ZNF718: variants seen among roughly 807,000 people sequenced by gnomAD.
ZNF718 encodes the protein zinc finger protein 718.
ZNF718 carries 3 observed loss-of-function variants against 2.6 expected under a neutral mutation model. The observed-to-expected ratio is 1.16, with a 90% CI of 0.53 to 3.01. The LOEUF is 3.01. Ranked by LOEUF, ZNF718 falls within the 30% of genes most tolerant of loss-of-function variation. ZNF718 has a pLI of 0.03. For missense variants in ZNF718, 468 were observed against 230.0 expected, an observed-to-expected ratio of 2.03 and a Z score of -6.69; for synonymous variants, 135 against 77.9, an observed-to-expected ratio of 1.73 and a Z score of -3.86.
At chr4:137,732 T>A (rs1289502608) in intron 3 of ZNF718, among the ~76,000 whole-genome samples, 2 of 151,958 alleles carry the variant, frequency 1.3e-5, no homozygotes, top group Non-Finnish European at 2.9e-5. Context: ...TGTTAACTTC[T>A]GTCAAATGTA....
rs557569380 is a variant in ZNF718, at chr4:201,616, G to C, written c.*103-16G>C. The C allele has an allele frequency of 1.4e-4, 22 of 162,148 alleles. No individual in the cohort carries two copies. In the South Asian group the frequency reaches 3.7e-3, roughly 28 times the overall value. The allele number at this position is 162,148 out of a possible 1,614,324, so 10.0% of individuals were successfully genotyped here. On this transcript the variant is annotated splice_polypyrimidine_tract_variant and intron_variant and NMD_transcript_variant, in intron 4 of 4. Coordinates refer to the ZNF718 transcript ENST00000642529. Reference sequence around the variant, plus strand: ...TCAACATTCAGTTCTATACATAACTGTTCTCCTCTCTCTAGAAGCAAGCAG... The same window carrying C: ...TCAACATTCAGTTCTATACATAACTCTTCTCCTCTCTCTAGAAGCAAGCAG...
chr4:170,908 A>G (rs1717210827), intron 3 of ZNF718, among the ~76,000 whole-genome samples: 1 of 152,060 alleles, frequency 6.6e-6, no homozygotes, highest in South Asian at 2.1e-4. Flanking sequence ...GTTCCTTTGG[A>G]GGGCAGAGGC....
intron 3 of ZNF718, among the ~76,000 whole-genome samples, chr4:196,529 A>G (rs781942034): frequency 8.5e-5 from 13 of 152,194 alleles, no homozygotes; most frequent in Non-Finnish European, 1.5e-4. Flanking sequence ...TTGAGGCTAC[A>G]CTTTCAAGAA....
chr4:154,402 T>G (rs2108798082), intron 3 of ZNF718, among the ~76,000 whole-genome samples: 1 of 152,282 alleles, frequency 6.6e-6, no homozygotes, highest in South Asian at 2.1e-4. Context: ...CAGGAAAATG[T>G]GGGAAAGTTT....
rs1716944779 is a variant in ZNF718, at chr4:162,613, A to G, written c.*491A>G. 6.5e-6 allele frequency: 1 copy of G among 152,986 alleles called. No homozygotes were observed. The highest frequency in any genetic ancestry group is 6.5e-5 in the Admixed American group (1 of 15,392). The allele number at this position is 152,986 out of a possible 1,614,324, so 9.5% of individuals were successfully genotyped here. On this transcript the variant is annotated 3_prime_UTR_variant, in exon 4 of 4. Transcript: ENST00000510175. The stretch of plus-strand genomic sequence containing the variant: ...TATTCTGAAGATAGACAATAGAAAT[A>G]GTAAGAGGGTTGTAGTACCTGTACT...
intron 3 of ZNF718, among the ~76,000 whole-genome samples, chr4:137,006 A>G (rs1405081779): frequency 8.5e-5 from 13 of 152,144 alleles, no homozygotes; most frequent in Admixed American, 7.9e-4. Flanking sequence ...GGTTAACACC[A>G]TCCCCTTTGG....
intron 3 of ZNF718, among the ~76,000 whole-genome samples, chr4:180,805 C>T (rs1160622885): frequency 2.6e-5 from 4 of 152,146 alleles, no homozygotes; most frequent in African/African-American, 4.8e-5. Context: ...AATATTGAAA[C>T]ATTTTACATG....
intron 3 of ZNF718, among the ~76,000 whole-genome samples, chr4:177,989 A>G (rs782125742): frequency 1.1e-4 from 17 of 152,282 alleles, no homozygotes; most frequent in Non-Finnish European, 2.2e-4. Context: ...ATACCTGTGA[A>G]GAAAGAATAC....
intron 3 of ZNF718, among the ~76,000 whole-genome samples, chr4:176,966 G>A (rs944092201): frequency 1.3e-5 from 2 of 152,124 alleles, no homozygotes; most frequent in African/African-American, 4.8e-5. Flanking sequence ...TACTTCCTAT[G>A]GAAGATGCAG....
chr4:194,214 C>T (rs1281472534), intron 3 of ZNF718, among the ~76,000 whole-genome samples: 2 of 152,186 alleles, frequency 1.3e-5, no homozygotes, highest in Admixed American at 6.5e-5. Context: ...GAATGATAAA[C>T]TTATCCTTTA....
intron 3 of ZNF718, among the ~76,000 whole-genome samples, chr4:170,919 A>C (rs577624728): frequency 6.6e-6 from 1 of 151,770 alleles, no homozygotes; most frequent in Non-Finnish European, 1.5e-5. Context: ...GGGCAGAGGC[A>C]CTCTGATTTT....
chr4:157,132 C>G (rs77407202), intron 3 of ZNF718, among the ~76,000 whole-genome samples: 1,665 of 59,548 alleles, frequency 0.028, 52 homozygotes, highest in African/African-American at 0.097. Flanking sequence ...TTTTTTTTTT[C>G]AGACAGTTCC....
At chr4:138,129 T>C (rs1351180884) in intron 3 of ZNF718, among the ~76,000 whole-genome samples, 1 of 152,240 alleles carries the variant, frequency 6.6e-6, no homozygotes, top group Non-Finnish European at 1.5e-5. Flanking sequence ...GTTTATTCTT[T>C]GTTTTACAGA....
chr4:126,402 A>G (rs1291142426), intron 1 of ZNF718, among the ~76,000 whole-genome samples: 4 of 152,120 alleles, frequency 2.6e-5, no homozygotes, highest in African/African-American at 7.2e-5. Flanking sequence ...TAAATAGGTC[A>G]TTTGTCTTTT....
rs568556373 is a variant in ZNF718, at chr4:201,896, CA to C, written c.*374del. The C allele has an allele frequency of 4.3e-5, 8 of 184,790 alleles. No individual in the cohort carries two copies. In the East Asian group the frequency reaches 5.8e-4, roughly 13 times the overall value. The allele number at this position is 184,790 out of a possible 1,614,324, so 11.4% of individuals were successfully genotyped here. A position where few individuals can be genotyped will look rare whatever the true frequency, so the allele number is the denominator to read the frequency against. Reference sequence around the variant, plus strand: ...TAGTTCTTCTGTAAAACTTCATTTCCAAAAAAAGGACTATCATCCTGTTAAA... The same window carrying C: ...TAGTTCTTCTGTAAAACTTCATTTCCAAAAAAGGACTATCATCCTGTTAAA... On this transcript the variant is annotated 3_prime_UTR_variant and NMD_transcript_variant, in exon 5 of 5. Coordinates refer to the ZNF718 transcript ENST00000642529.
At chr4:146,475 T>C (rs192903749) in intron 3 of ZNF718, among the ~76,000 whole-genome samples, 1 of 152,234 alleles carries the variant, frequency 6.6e-6, no homozygotes, top group African/African-American at 2.4e-5. Flanking sequence ...CCATTGTCTT[T>C]GAATTTTTGG....
chr4:152,324 C>G (rs1716362138), intron 3 of ZNF718, among the ~76,000 whole-genome samples: 1 of 130,716 alleles, frequency 7.7e-6, no homozygotes, highest in East Asian at 2.3e-4. Flanking sequence ...TCAGGTCTTT[C>G]CCTTCCCACG....
chr4:142,154 T>G (rs1283836663), intron 3 of ZNF718: 1 of 444,134 alleles, frequency 2.3e-6, no homozygotes, highest in Non-Finnish European at 4.6e-6. Flanking sequence ...ACCCTTGAGG[T>G]GAAGCTAACC....
At chr4:150,994 G>T (rs1276255977) in intron 3 of ZNF718, among the ~76,000 whole-genome samples, 2 of 152,086 alleles carry the variant, frequency 1.3e-5, no homozygotes, top group Non-Finnish European at 1.5e-5. Flanking sequence ...ATGTTATCCT[G>T]TGATACTTTT....
Sources: gnomAD v4.1 joint callset for allele counts (sites outside exome capture counted in the v4.1 genomes callset) on GRCh38, gnomAD v4.1.1 for gene constraint, MANE v1.5 for transcripts, NCBI Gene and HGNC (gene_info 2026-07-23, HGNC 2026-07-21) for gene names.